Variants in STK32B observed in about 807,000 individuals in gnomAD.
STK32B encodes the protein serine/threonine-protein kinase 32B.
Under a neutral mutation model 52.6 loss-of-function variants are expected in STK32B, and 43 were observed. That is an observed-to-expected ratio of 0.82 (90% confidence interval 0.64 to 1.05). The LOEUF (loss-of-function observed/expected upper bound fraction) is 1.05. Ranked by LOEUF, STK32B falls within the 50% of genes least tolerant of loss-of-function variation. The probability of loss-of-function intolerance (pLI) is 0.00; values close to 1 mark genes in which losing one functional copy is unlikely to be tolerated. For synonymous variants in STK32B, 238 were observed against 204.3 expected (o/e 1.17, Z -1.41); for missense variants, 621 against 534.6 (o/e 1.16, Z -1.59).
At chr4:5,410,010 T>TTTTACCA (rs1711526886) in intron 5 of STK32B, among the ~76,000 whole-genome samples, 1 of 152,186 alleles carries the variant, frequency 6.6e-6, no homozygotes, top group South Asian at 2.1e-4. Context: ...TCTTTTTTCC[T>TTTTACCA]TTTACCATTG....
Position 5,500,421 on chromosome 4 carries a change from C to T in STK32B, c.*1338C>T, listed in dbSNP as rs566251498. ...TCATTATTTAGATACTTTCTTCCTTCACTCACCCAGCAGGTCAGTTTTCTG... is the reference window on the plus strand; with the variant it reads ...TCATTATTTAGATACTTTCTTCCTTTACTCACCCAGCAGGTCAGTTTTCTG... On this transcript the variant is annotated 3_prime_UTR_variant, in exon 12 of 12. Transcript: ENST00000282908. The T allele has an allele frequency of 1.1e-4, 17 of 152,288 alleles. No homozygotes were observed. Among genetic ancestry groups the T allele is most frequent in the African/African-American group, 4.1e-4 (17 of 41,540 alleles). The allele number at this position is 152,288 out of a possible 1,614,324, so 9.4% of individuals were successfully genotyped here.
chr4:5,186,318 T>A (rs1369309194), intron 3 of STK32B, among the ~76,000 whole-genome samples: 1 of 152,168 alleles, frequency 6.6e-6, no homozygotes, highest in Non-Finnish European at 1.5e-5. Context: ...AGTGGGCCGC[T>A]TGAGGAAGGG....
At chr4:5,088,289 C>G (rs1167432327) in intron 1 of STK32B, among the ~76,000 whole-genome samples, 1 of 151,812 alleles carries the variant, frequency 6.6e-6, no homozygotes, top group East Asian at 1.9e-4. Context: ...ATCTAAAAAT[C>G]AAAACAATTG....
chr4:5,342,708 A>C (rs1577372577), intron 4 of STK32B, among the ~76,000 whole-genome samples: 1 of 152,066 alleles, frequency 6.6e-6, no homozygotes, highest in South Asian at 2.1e-4. Flanking sequence ...AAACTATATC[A>C]CCTGCCTAGT....
intron 1 of STK32B, among the ~76,000 whole-genome samples, chr4:5,076,203 C>T (rs183005037): frequency 2.2e-3 from 336 of 152,200 alleles, no homozygotes; most frequent in African/African-American, 7.5e-3. Context: ...GACGAAGAGT[C>T]GATGGCATCC....
intron 3 of STK32B, among the ~76,000 whole-genome samples, chr4:5,230,228 C>T (rs1047006373): frequency 1.0e-4 from 12 of 117,396 alleles, no homozygotes; most frequent in African/African-American, 3.6e-4. Flanking sequence ...CTTGCACCGT[C>T]GCCCAGGTTG....
intron 1 of STK32B, among the ~76,000 whole-genome samples, chr4:5,138,473 CTTA>C (rs1224048506): frequency 6.6e-6 from 1 of 151,964 alleles, no homozygotes; most frequent in Non-Finnish European, 1.5e-5. Flanking sequence ...TTACCAAACA[CTTA>C]TTATGTACCA....
intron 6 of STK32B, among the ~76,000 whole-genome samples, chr4:5,439,424 T>C (rs897417540): frequency 6.6e-6 from 1 of 152,060 alleles, no homozygotes; most frequent in African/African-American, 2.4e-5. Flanking sequence ...TCTGTTCATG[T>C]CCTTCGCCCA....
At chr4:5,363,932 G>A (rs1392533699) in intron 4 of STK32B, among the ~76,000 whole-genome samples, 1 of 151,902 alleles carries the variant, frequency 6.6e-6, no homozygotes, top group Non-Finnish European at 1.5e-5. Context: ...TTCAAAATAT[G>A]TATTCTCTCT....
the STK32B span, among the ~76,000 whole-genome samples, chr4:5,022,436 C>T: frequency 1.3e-5 from 2 of 152,278 alleles, no homozygotes; most frequent in African/African-American, 4.8e-5. Context: ...GGTGGACCCC[C>T]GCACGTGTGT....
intron 6 of STK32B, among the ~76,000 whole-genome samples, chr4:5,437,699 T>C (rs1213704301): frequency 1.3e-5 from 2 of 152,168 alleles, no homozygotes; most frequent in Non-Finnish European, 2.9e-5. Context: ...AAGATCATAG[T>C]AGCATTTATC....
In STK32B at chr4:5,399,817, G is replaced by T. The variant is rs182083367; in HGVS notation, c.472+1573G>T. ...CAGCCACCCATCACAGTATGCAAGC[G>T]CTCGGGAAGGGGTAGATAACTCGCC... On this transcript the variant is annotated intron_variant, in intron 5 of 11. Coordinates refer to ENST00000282908, the MANE Select transcript of STK32B (RefSeq NM_018401.3). This position sits in a 1 kb window ranked among gnomAD's most constrained non-coding sequence, Gnocchi z 5.4. Among the ~76,000 whole-genome samples, 6 of 152,146 alleles carry T rather than the reference G, an allele frequency of 3.9e-5. No homozygotes were observed. The highest frequency in any genetic ancestry group is 1.9e-4 in the East Asian group (1 of 5,172).
intron 3 of STK32B, among the ~76,000 whole-genome samples, chr4:5,176,276 TG>T (rs938485396): frequency 2.1e-4 from 32 of 152,224 alleles, no homozygotes; most frequent in African/African-American, 7.5e-4. Context: ...CGCCCTGCTT[TG>T]GTTCACGCAT....
chr4:5,212,513 A>G (rs1011231922), intron 3 of STK32B, among the ~76,000 whole-genome samples: 2 of 152,228 alleles, frequency 1.3e-5, no homozygotes, highest in Admixed American at 1.3e-4. Context: ...CAGTCCCCAC[A>G]AAGGTTTTCC....
intron 1 of STK32B, among the ~76,000 whole-genome samples, chr4:5,055,556 C>G (rs756485413): frequency 2.0e-5 from 3 of 152,182 alleles, no homozygotes; most frequent in Non-Finnish European, 4.4e-5. Flanking sequence ...CTCAAATCCT[C>G]CCTCCAGCCC....
At chr4:5,464,623 G>A (rs901450270) in intron 9 of STK32B, among the ~76,000 whole-genome samples, 7 of 152,210 alleles carry the variant, frequency 4.6e-5, no homozygotes, top group East Asian at 1.9e-4. Flanking sequence ...AGGTCTGAGC[G>A]TGTTCTGTGT....
At chr4:5,489,709 C>T (rs1719549144) in intron 11 of STK32B, among the ~76,000 whole-genome samples, 1 of 152,058 alleles carries the variant, frequency 6.6e-6, no homozygotes. Flanking sequence ...CAACCTCCGC[C>T]TCCCAGGTTC....
rs1185524742 is a variant in STK32B, at chr4:5,325,845, A to C, written c.261-5375A>C. ...TTATGAGAATATAATTCTAATTCTA[A>C]TACAAGAAGCAAAAGGGACAATGTC... On this transcript the variant is annotated intron_variant, in intron 3 of 11. Transcript: ENST00000282908. Among the ~76,000 whole-genome samples the C allele has an allele frequency of 2.4e-4, 36 of 152,180 alleles. 1 individual carries two copies. The highest frequency in any genetic ancestry group is 2.4e-3 in the Admixed American group (36 of 15,274).
intron 2 of STK32B, among the ~76,000 whole-genome samples, chr4:5,159,740 A>AATATATGAATGTATATGAATAT (rs1339249477): frequency 7.7e-6 from 1 of 130,026 alleles, no homozygotes; most frequent in African/African-American, 3.3e-5. Context: ...TATATATATG[A>AATATATGAATGTATATGAATAT]ATATATGAAT....
Sources: gnomAD v4.1 joint callset for allele counts (sites outside exome capture counted in the v4.1 genomes callset) on GRCh38, gnomAD v4.1.1 for gene constraint, Gnocchi (gnomAD v3.1) non-coding constraint, MANE v1.5 for transcripts, NCBI Gene and HGNC (gene_info 2026-07-23, HGNC 2026-07-21) for gene names.